Variants in OPCML observed in about 807,000 individuals in gnomAD.
OPCML encodes the protein opioid binding protein/cell adhesion molecule like.
OPCML carries 13 observed loss-of-function variants against 37.8 expected under a neutral mutation model. The ratio of observed to expected loss-of-function variants is 0.34; its 90% CI spans 0.22 to 0.55. The LOEUF is 0.55. OPCML is among the 20% of genes least tolerant of loss of function. OPCML has a pLI of 0.91. For missense variants in OPCML, 341 were observed against 435.6 expected, an observed-to-expected ratio of 0.78 and a Z score of 1.93; for synonymous variants, 176 against 168.8, an observed-to-expected ratio of 1.04 and a Z score of -0.33.
intron 1 of OPCML, among the ~76,000 whole-genome samples, chr11:132,981,045 G>A (rs764359665): frequency 7.9e-5 from 12 of 152,160 alleles, no homozygotes; most frequent in Non-Finnish European, 1.6e-4. Flanking sequence ...AAGTATTTCT[G>A]CCTCTAAGCC....
Position 133,483,722 on chromosome 11 carries a change from A to AGAT in OPCML, c.61+48541_61+48542insATC, listed in dbSNP as rs1947442518. Among the ~76,000 whole-genome samples, 3 of 148,472 alleles carry AGAT rather than the reference A, an allele frequency of 2.0e-5. No individual in the cohort carries two copies. In the South Asian group the frequency reaches 6.6e-4, roughly 32 times the overall value. On this transcript the variant is annotated intron_variant, in intron 1 of 7. Transcript: ENST00000524381. ...TAGATAGATAGATAGATAGATAGAT[A>AGAT]AAATAGGCAGATTAGATAGATTCAT...
At chr11:133,024,850 T>A in intron 1 of OPCML, 1 of 985,446 alleles carries the variant, frequency 1.0e-6, no homozygotes, top group Non-Finnish European at 1.2e-6. Context: ...AAGGACCTGC[T>A]TTCATGTCCC....
intron 7 of OPCML, among the ~76,000 whole-genome samples, chr11:132,430,782 T>C (rs2095994153): frequency 1.3e-5 from 2 of 152,184 alleles, no homozygotes; most frequent in South Asian, 4.1e-4. Context: ...GTTTGCGTTC[T>C]CTCTCCCCTT....
chr11:132,466,317 CAAA>C (rs35491939), intron 4 of OPCML, among the ~76,000 whole-genome samples: 37 of 105,270 alleles, frequency 3.5e-4, no homozygotes, highest in East Asian at 1.5e-3. Flanking sequence ...ACTAAAAATA[CAAA>C]AAAAAAAAAA....
chr11:132,515,142 T>C (rs374021236), intron 4 of OPCML, among the ~76,000 whole-genome samples: 8 of 152,180 alleles, frequency 5.3e-5, no homozygotes, highest in African/African-American at 7.2e-5. Context: ...TTTATATCAA[T>C]GACTTTACTA....
At chr11:133,257,232 T>A (rs181258535) in intron 1 of OPCML, among the ~76,000 whole-genome samples, 1 of 152,222 alleles carries the variant, frequency 6.6e-6, no homozygotes, top group African/African-American at 2.4e-5. Flanking sequence ...GTAAGTTGTA[T>A]TTCTATCTCA....
chr11:132,432,662 A>G (rs944695384), intron 7 of OPCML, among the ~76,000 whole-genome samples: 1 of 152,264 alleles, frequency 6.6e-6, no homozygotes, highest in South Asian at 2.1e-4. Context: ...TCATTCCACA[A>G]AGTTTTCCTG....
chr11:133,019,513 C>T (rs1159890515), intron 1 of OPCML, among the ~76,000 whole-genome samples: 3 of 152,224 alleles, frequency 2.0e-5, no homozygotes, highest in African/African-American at 7.2e-5. Context: ...AATCAATTAT[C>T]ATGTCTTCTT....
At chr11:133,232,944 T>G (rs1262879770) in intron 1 of OPCML, among the ~76,000 whole-genome samples, 1 of 152,216 alleles carries the variant, frequency 6.6e-6, no homozygotes, top group African/African-American at 2.4e-5. Context: ...GTAGTTGGGA[T>G]GGCATCAGGG....
At chr11:133,196,869 A>C (rs920428660) in intron 1 of OPCML, among the ~76,000 whole-genome samples, 5 of 152,174 alleles carry the variant, frequency 3.3e-5, no homozygotes, top group South Asian at 2.1e-4. Context: ...TGTTCCTGTA[A>C]CTGCAGTGAC....
intron 2 of OPCML, among the ~76,000 whole-genome samples, chr11:132,727,925 C>T (rs891993891): frequency 6.6e-6 from 1 of 152,176 alleles, no homozygotes; most frequent in Non-Finnish European, 1.5e-5. Context: ...CTCTGGGCTT[C>T]CCCAGCTCCT....
At chr11:132,974,946 G>A (rs1027353643) in intron 1 of OPCML, among the ~76,000 whole-genome samples, 5 of 151,722 alleles carry the variant, frequency 3.3e-5, no homozygotes, top group Non-Finnish European at 7.4e-5. Flanking sequence ...TTTCTCCAGA[G>A]TCTATAGCTT....
chr11:133,514,315 G>A (rs1948217877), intron 1 of OPCML, among the ~76,000 whole-genome samples: 1 of 152,202 alleles, frequency 6.6e-6, no homozygotes, highest in African/African-American at 2.4e-5. Context: ...TGGAGCTTTG[G>A]AGACACTGAC....
chr11:133,351,596 C>G (rs1664252684), intron 1 of OPCML, among the ~76,000 whole-genome samples: 2 of 152,152 alleles, frequency 1.3e-5, no homozygotes, highest in African/African-American at 4.8e-5. Flanking sequence ...CCTAGGTCTT[C>G]CAGTCTCCTG....
chr11:132,953,445 A>G (rs1210204713), intron 1 of OPCML, among the ~76,000 whole-genome samples: 2 of 152,220 alleles, frequency 1.3e-5, no homozygotes. Flanking sequence ...ATTTCATTCT[A>G]GAAAGGCTGG....
intron 2 of OPCML, among the ~76,000 whole-genome samples, chr11:132,863,103 AG>A (rs1942374554): frequency 6.6e-6 from 1 of 152,106 alleles, no homozygotes. Context: ...ACCATGTATC[AG>A]ACCCTTCCTG....
intron 3 of OPCML, among the ~76,000 whole-genome samples, chr11:132,607,849 G>A (rs1322064662): frequency 2.0e-5 from 3 of 152,184 alleles, no homozygotes; most frequent in African/African-American, 7.2e-5. Flanking sequence ...ACCAGAGGCA[G>A]AGAAGAGTAG....
In OPCML at chr11:132,730,532, G is replaced by A. The variant is rs538904849; in HGVS notation, c.147-73213C>T. Among the ~76,000 whole-genome samples the A allele has an allele frequency of 4.6e-5, 7 of 152,296 alleles. 1 individual carries two copies. The highest frequency in any genetic ancestry group is 2.1e-4 in the South Asian group (1 of 4,822). Reference sequence around the variant, plus strand: ...AATTTTGATAGTATAAAAATGTGGTGATGGAACTCAGGAAGATAACCCCCT... The same window carrying A: ...AATTTTGATAGTATAAAAATGTGGTAATGGAACTCAGGAAGATAACCCCCT... On this transcript the variant is annotated intron_variant, in intron 2 of 7. Transcript: ENST00000524381.
At chr11:133,229,923 T>G (rs1239320766) in intron 1 of OPCML, among the ~76,000 whole-genome samples, 1 of 152,244 alleles carries the variant, frequency 6.6e-6, no homozygotes, top group Non-Finnish European at 1.5e-5. Context: ...CGTGAATACA[T>G]CATTTGTTGT....
Sources: gnomAD v4.1 joint callset for allele counts (sites outside exome capture counted in the v4.1 genomes callset) on GRCh38, gnomAD v4.1.1 for gene constraint, MANE v1.5 for transcripts, NCBI Gene and HGNC (gene_info 2026-07-23, HGNC 2026-07-21) for gene names.